Variants in TAS2R46 observed in about 807,000 individuals in gnomAD.
TAS2R46 encodes the protein taste 2 receptor member 46.
For missense variants in TAS2R46, 361 were observed against 347.4 expected, an observed-to-expected ratio of 1.04 and a Z score of -0.31; for synonymous variants, 123 against 121.8, an observed-to-expected ratio of 1.01 and a Z score of -0.07.
Position 11,062,174 on chromosome 12 carries a change from T to C in TAS2R46, c.121A>G (p.Ile41Val), listed in dbSNP as rs764556200. The change falls in exon 1 of 1, where the codon ATC becomes GTC. Residue 41 changes from isoleucine (I) to valine (V), a missense_variant. By Grantham distance (29) the Ile-to-Val change is conservative. Coordinates refer to ENST00000533467, the MANE Select transcript of TAS2R46 (RefSeq NM_176887.2). ...GTGAGAATTTGGTCAGCAAAAGAGATCTTTTGTCTCTTGAACCACTCAATG... is the reference window on the plus strand; with the variant it reads ...GTGAGAATTTGGTCAGCAAAAGAGACCTTTTGTCTCTTGAACCACTCAATG... The part of the protein sequence containing the change: ...NSIEWFKRQK[I>V]SFADQILTAL... The C allele has an allele frequency of 4.5e-5, 73 of 1,613,482 alleles. No homozygotes were observed. The highest frequency in any genetic ancestry group is 3.5e-4 in the Admixed American group (21 of 59,856).
Position 11,062,280 on chromosome 12 carries a change from C to T in TAS2R46, c.15G>A (p.Leu5=), listed in dbSNP as rs750488992. The change falls in exon 1 of 1, where the codon CTG becomes CTA. Residue 5 remains leucine (L), a synonymous_variant. Transcript: ENST00000533467. MITF[L]PIIFSILIVV... is the part of the protein sequence containing the mutation. ...CTATTAGAATGGAAAAAATGATGGG[C>T]AGAAAAGTTATCATGTCTGAACAGA... is the stretch of plus-strand genomic sequence containing the variant. 2 of 1,611,356 alleles carry T rather than the reference C, an allele frequency of 1.2e-6. No homozygotes were observed. The highest frequency in any genetic ancestry group is 3.4e-5 in the Admixed American group (2 of 59,646).
In TAS2R46 at chr12:11,061,550, C is replaced by G; in HGVS notation, c.745G>C (p.Val249Leu). The G allele has an allele frequency of 6.2e-7, 1 of 1,614,104 alleles. No homozygotes were observed. Among genetic ancestry groups the G allele is most frequent in the Non-Finnish European group, 8.5e-7 (1 of 1,179,966 alleles). Reference sequence around the variant, plus strand: ...TTTTCCAGACTCTCAAAACTCCAAACTGACATGATTATGGACAGAAAGTAA... The same window carrying G: ...TTTTCCAGACTCTCAAAACTCCAAAGTGACATGATTATGGACAGAAAGTAA... Reference protein sequence around the residue: ...AIYFLSIIMSVWSFESLENKP... With the variant: ...AIYFLSIIMSLWSFESLENKP... Residue 249 changes from valine to leucine, a missense_variant, in exon 1 of 1, where the codon GTT (valine) becomes CTT (leucine). By Grantham distance (32) the Val-to-Leu change is conservative (BLOSUM62 1). Transcript: ENST00000533467.
At position 11,061,616 on chromosome 12, in the gene TAS2R46, C is replaced by G. The variant is rs374074547; in HGVS notation, c.679G>C (p.Ala227Pro). The G allele has an allele frequency of 2.5e-6, 4 of 1,614,074 alleles. No homozygotes were observed. Among genetic ancestry groups the G allele is most frequent in the Middle Eastern group, 1.6e-4 (1 of 6,062 alleles). ...AGGAAGGAGGTCACAGTTTGCAAAG[C>G]TTTTATGTGGACCTTCATGCTGGGA... is the stretch of plus-strand genomic sequence containing the variant. ...QDPSMKVHIK[A>P]LQTVTSFLLL... The change falls in exon 1 of 1, where the codon GCT (alanine) becomes CCT (proline). Residue 227 changes from alanine to proline, a missense_variant. Physicochemically the swap from Ala to Pro is conservative, Grantham distance 27. Coordinates refer to ENST00000533467, the MANE Select transcript of TAS2R46 (RefSeq NM_176887.2).
In TAS2R46 at chr12:11,061,531, A is replaced by G; in HGVS notation, c.764T>C (p.Leu255Pro). The change falls in exon 1 of 1, where the codon CTG becomes CCG. Residue 255 changes from leucine (L) to proline (P), a missense_variant. Coordinates refer to ENST00000533467, the MANE Select transcript of TAS2R46 (RefSeq NM_176887.2). Reference sequence around the variant, plus strand: ...GAACATGAAGACAGGTTTGTTTTCCAGACTCTCAAAACTCCAAACTGACAT... The same window carrying G: ...GAACATGAAGACAGGTTTGTTTTCCGGACTCTCAAAACTCCAAACTGACAT... Reference protein sequence around the residue: ...IIMSVWSFESLENKPVFMFCE... With the variant: ...IIMSVWSFESPENKPVFMFCE... The G allele has an allele frequency of 6.2e-7, 1 of 1,614,136 alleles. No homozygotes were observed. Among genetic ancestry groups the G allele is most frequent in the South Asian group, 1.1e-5 (1 of 91,086 alleles).
In TAS2R46 at chr12:11,061,987, C is replaced by T; in HGVS notation, c.308G>A (p.Ser103Asn). Reference protein sequence around the residue: ...HFSNWLATSLSIFYLLKIANF... With the variant: ...HFSNWLATSLNIFYLLKIANF... ...GGCAATCTTGAGCAAATAAAATATG[C>T]TGAGGCTAGTAGCAAGCCAGTTGCT... Residue 103 changes from serine to asparagine, a missense_variant, in exon 1 of 1, where the codon AGC becomes AAC. Physicochemically the swap from Ser to Asn is conservative, Grantham distance 46. Coordinates refer to ENST00000533467, the MANE Select transcript of TAS2R46 (RefSeq NM_176887.2). The T allele has an allele frequency of 6.2e-7, 1 of 1,613,830 alleles. No individual in the cohort carries two copies. The highest frequency in any genetic ancestry group is 2.2e-5 in the East Asian group (1 of 44,856).
At chr12:11,061,759 AC>A in the TAS2R46 span, 1 of 1,614,082 alleles carries the variant, frequency 6.2e-7, no homozygotes, top group Non-Finnish European at 8.5e-7. Context: ...TAGGATGGTT[AC>A]CGTTGTATTT....
At position 11,062,186 on chromosome 12, in the gene TAS2R46, T is replaced by C. The variant is rs1411234065; in HGVS notation, c.109A>G (p.Lys37Glu). ...IALVNSIEWF[K>E]RQKISFADQI... is the part of the protein sequence containing the mutation. ...TCAGCAAAAGAGATCTTTTGTCTCT[T>C]GAACCACTCAATGGAATTTACCAAT... Residue 37 changes from lysine to glutamate, a missense_variant, in exon 1 of 1, where the codon AAG becomes GAG. Transcript: ENST00000533467. 6.2e-7 allele frequency: 1 copy of C among 1,613,572 alleles called. No individual in the cohort carries two copies. The highest frequency in any genetic ancestry group is 1.7e-5 in the Admixed American group (1 of 59,876).
In TAS2R46 at chr12:11,062,278, G is replaced by A; in HGVS notation, c.17C>T (p.Pro6Leu). 6.2e-7 allele frequency: 1 copy of A among 1,611,624 alleles called. No individual in the cohort carries two copies. The highest frequency in any genetic ancestry group is 1.1e-5 in the South Asian group (1 of 90,706). MITFL[P>L]IIFSILIVVT... ...CACTATTAGAATGGAAAAAATGATG[G>A]GCAGAAAAGTTATCATGTCTGAACA... The change falls in exon 1 of 1, where the codon CCC (proline) becomes CTC (leucine). Residue 6 changes from proline (P) to leucine (L), a missense_variant. By Grantham distance (98) the Pro-to-Leu change is moderately conservative. Coordinates refer to ENST00000533467, the MANE Select transcript of TAS2R46 (RefSeq NM_176887.2).
In TAS2R46 at chr12:11,061,469, G is replaced by A. The variant is rs1427441769; in HGVS notation, c.826C>T (p.Pro276Ser). 3.7e-6 allele frequency: 6 copies of A among 1,614,020 alleles called. No individual in the cohort carries two copies. Among genetic ancestry groups the A allele is most frequent in the Non-Finnish European group, 5.1e-6 (6 of 1,179,986 alleles). Residue 276 changes from proline to serine, a missense_variant, in exon 1 of 1, where the codon CCA becomes TCA. Transcript: ENST00000533467. ...TTGTTTCCCCAAATCAGGATGAATG[G>A]GTGGGTTGAAGGATAGCTGAATGCA... The part of the protein sequence containing the change: ...AIAFSYPSTH[P>S]FILIWGNKKL...
At position 11,061,635 on chromosome 12, in the gene TAS2R46, G is replaced by T; in HGVS notation, c.660C>A (p.Ser220Arg). Residue 220 changes from serine (S) to arginine (R), a missense_variant, in exon 1 of 1, where the codon AGC becomes AGA. By Grantham distance (110) the Ser-to-Arg change is moderately radical. Transcript: ENST00000533467. ...QLHGKGSQDP[S>R]MKVHIKALQT... is the part of the protein sequence containing the mutation. ...GCAAAGCTTTTATGTGGACCTTCAT[G>T]CTGGGATCTTGAGATCCTTTGCCAT... 6.5e-7 allele frequency: 1 copy of T among 1,528,856 alleles called. No homozygotes were observed. The highest frequency in any genetic ancestry group is 1.1e-5 in the South Asian group (1 of 87,090). 94.7% of individuals were successfully genotyped at this position (1,528,856 alleles called of 1,614,324 possible). A position where few individuals can be genotyped will look rare whatever the true frequency, so the allele number is the denominator to read the frequency against.
Position 11,062,130 on chromosome 12 carries a change from T to C in TAS2R46, c.165A>G (p.Arg55=). The C allele has an allele frequency of 6.2e-7, 1 of 1,613,686 alleles. No homozygotes were observed. The highest frequency in any genetic ancestry group is 8.5e-7 in the Non-Finnish European group (1 of 1,179,814). The stretch of plus-strand genomic sequence containing the variant: ...ATACTAATACCCAGAGTAAACCAAC[T>C]CTGGAGACTGCCAGAGCAGTGAGAA... ...DQILTALAVS[R]VGLLWVLVLN... Residue 55 remains arginine, a synonymous_variant, in exon 1 of 1, where the codon AGA becomes AGG. Coordinates refer to ENST00000533467, the MANE Select transcript of TAS2R46 (RefSeq NM_176887.2).
rs757304666 is a variant in TAS2R46 at position 11,061,556 on chromosome 12, T to C, written c.739A>G (p.Met247Val). 11 of 1,614,004 alleles carry C rather than the reference T, an allele frequency of 6.8e-6. No individual in the cohort carries two copies. The highest frequency in any genetic ancestry group is 1.7e-5 in the Admixed American group (1 of 59,998). ...LCAIYFLSII[M>V]SVWSFESLEN... ...AGACTCTCAAAACTCCAAACTGACA[T>C]GATTATGGACAGAAAGTAAATGGCA... The change falls in exon 1 of 1, where the codon ATG becomes GTG. Residue 247 changes from methionine to valine, a missense_variant. Physicochemically the swap from Met to Val is conservative, Grantham distance 21 (BLOSUM62 1). Transcript: ENST00000533467.
At chr12:11,061,804 C>T in the TAS2R46 span, 6 of 1,614,142 alleles carry the variant, frequency 3.7e-6, no homozygotes, top group Non-Finnish European at 5.1e-6. Context: ...TTTGATCTTC[C>T]AAGTCATGTT....
Position 11,061,566 on chromosome 12 carries a change from C to A in TAS2R46, c.729G>T (p.Leu243=), listed in dbSNP as rs749529200. The change falls in exon 1 of 1, where the codon CTG becomes CTT. Residue 243 remains leucine, a synonymous_variant. Transcript: ENST00000533467. ...SFLLLCAIYF[L]SIIMSVWSFE... ...AACTCCAAACTGACATGATTATGGA[C>A]AGAAAGTAAATGGCACATAACAAGA... 1.2e-6 allele frequency: 2 copies of A among 1,614,058 alleles called. No homozygotes were observed. Among genetic ancestry groups the A allele is most frequent in the African/African-American group, 1.3e-5 (1 of 75,010 alleles).
At position 11,061,557 on chromosome 12, in the gene TAS2R46, G is replaced by C; in HGVS notation, c.738C>G (p.Ile246Met). ...LLCAIYFLSI[I>M]MSVWSFESLE... ...GACTCTCAAAACTCCAAACTGACATGATTATGGACAGAAAGTAAATGGCAC... is the reference window on the plus strand; with the variant it reads ...GACTCTCAAAACTCCAAACTGACATCATTATGGACAGAAAGTAAATGGCAC... The change falls in exon 1 of 1, where the codon ATC (isoleucine) becomes ATG (methionine). Residue 246 changes from isoleucine (I) to methionine (M), a missense_variant. Physicochemically the swap from Ile to Met is conservative, Grantham distance 10 (BLOSUM62 1). Coordinates refer to ENST00000533467, the MANE Select transcript of TAS2R46 (RefSeq NM_176887.2). 1 of 1,453,024 alleles carries C rather than the reference G, an allele frequency of 6.9e-7. No homozygotes were observed. The highest frequency in any genetic ancestry group is 1.2e-5 in the South Asian group (1 of 83,776). 90.0% of individuals were successfully genotyped at this position (1,453,024 alleles called of 1,614,324 possible). A position where few individuals can be genotyped will look rare whatever the true frequency, so the allele number is the denominator to read the frequency against.
Position 11,061,492 on chromosome 12 carries a change from G to A in TAS2R46, c.803C>T (p.Ala268Val), listed in dbSNP as rs781493121. ...KPVFMFCEAI[A>V]FSYPSTHPFI... ...TGGGTGGGTTGAAGGATAGCTGAATGCAATAGCTTCGCAGAACATGAAGAC... is the reference window on the plus strand; with the variant it reads ...TGGGTGGGTTGAAGGATAGCTGAATACAATAGCTTCGCAGAACATGAAGAC... Residue 268 changes from alanine (A) to valine (V), a missense_variant, in exon 1 of 1, where the codon GCA becomes GTA. Coordinates refer to ENST00000533467, the MANE Select transcript of TAS2R46 (RefSeq NM_176887.2). 2.7e-6 allele frequency: 4 copies of A among 1,489,520 alleles called. No homozygotes were observed. The highest frequency in any genetic ancestry group is 3.6e-6 in the Non-Finnish European group (4 of 1,108,812). The allele number at this position is 1,489,520 out of a possible 1,614,324, so 92.3% of individuals were successfully genotyped here. A position where few individuals can be genotyped will look rare whatever the true frequency, so the allele number is the denominator to read the frequency against.
rs375025784 is a variant in TAS2R46 at position 11,061,597 on chromosome 12, G to A, written c.698C>T (p.Ser233Phe). ...VHIKALQTVT[S>F]FLLLCAIYFL... ...GTAAATGGCACATAACAAGAGGAAGGAGGTCACAGTTTGCAAAGCTTTTAT... is the reference window on the plus strand; with the variant it reads ...GTAAATGGCACATAACAAGAGGAAGAAGGTCACAGTTTGCAAAGCTTTTAT... Residue 233 changes from serine to phenylalanine, a missense_variant, in exon 1 of 1, where the codon TCC becomes TTC. Transcript: ENST00000533467. 18 of 1,613,960 alleles carry A rather than the reference G, an allele frequency of 1.1e-5. No homozygotes were observed. The African/African-American group carries it at 1.5e-4, about 13-fold the overall frequency.
Position 11,061,986 on chromosome 12 carries a change from G to A in TAS2R46, c.309C>T (p.Ser103=). 2.0e-5 allele frequency: 32 copies of A among 1,613,906 alleles called. No individual in the cohort carries two copies. The highest frequency in any genetic ancestry group is 2.7e-5 in the Non-Finnish European group (32 of 1,179,892). Residue 103 remains serine (S), a synonymous_variant, in exon 1 of 1, where the codon AGC becomes AGT. Coordinates refer to ENST00000533467, the MANE Select transcript of TAS2R46 (RefSeq NM_176887.2). Reference sequence around the variant, plus strand: ...TGGCAATCTTGAGCAAATAAAATATGCTGAGGCTAGTAGCAAGCCAGTTGC... The same window carrying A: ...TGGCAATCTTGAGCAAATAAAATATACTGAGGCTAGTAGCAAGCCAGTTGC... ...HFSNWLATSL[S]IFYLLKIANF...
Position 11,061,628 on chromosome 12 carries a change from C to T in TAS2R46, c.667G>A (p.Val223Ile). 1 of 1,614,026 alleles carries T rather than the reference C, an allele frequency of 6.2e-7. No individual in the cohort carries two copies. The highest frequency in any genetic ancestry group is 1.1e-5 in the South Asian group (1 of 91,080). Residue 223 changes from valine (V) to isoleucine (I), a missense_variant, in exon 1 of 1, where the codon GTC becomes ATC. Val to Ile is a conservative substitution (Grantham distance 29). Transcript: ENST00000533467. Reference protein sequence around the residue: ...GKGSQDPSMKVHIKALQTVTS... With the variant: ...GKGSQDPSMKIHIKALQTVTS... Reference sequence around the variant, plus strand: ...ACAGTTTGCAAAGCTTTTATGTGGACCTTCATGCTGGGATCTTGAGATCCT... The same window carrying T: ...ACAGTTTGCAAAGCTTTTATGTGGATCTTCATGCTGGGATCTTGAGATCCT...
Sources: gnomAD v4.1 joint callset for allele counts on GRCh38, gnomAD v4.1.1 for gene constraint, MANE v1.5 for transcripts, NCBI Gene and HGNC (gene_info 2026-07-23, HGNC 2026-07-21) for gene names.